Variants in ASTN2 observed in about 807,000 individuals in gnomAD.
The protein encoded by ASTN2 is astrotactin 2.
In ASTN2, 54 loss-of-function variants were observed where a neutral mutation model predicts 139.8. The ratio of observed to expected loss-of-function variants is 0.39; its 90% confidence interval spans 0.31 to 0.48. The LOEUF is 0.48. ASTN2 is among the 20% of genes least tolerant of loss of function. ASTN2 has a pLI of 0.95. For missense variants in ASTN2, 1,565 were observed against 1,725.1 expected, an observed-to-expected ratio of 0.91 and a Z score of 1.64; for synonymous variants, 756 against 719.5, an observed-to-expected ratio of 1.05 and a Z score of -0.81.
intron 2 of ASTN2, among the ~76,000 whole-genome samples, chr9:117,276,667 A>C (rs1017892306): frequency 6.6e-6 from 1 of 152,126 alleles, no homozygotes; most frequent in African/African-American, 2.4e-5. Flanking sequence ...CCCCTGCAGA[A>C]TTTTAGAGGA....
At chr9:116,577,397 T>C (rs1403309800) in intron 19 of ASTN2, among the ~76,000 whole-genome samples, 1 of 151,832 alleles carries the variant, frequency 6.6e-6, no homozygotes, top group African/African-American at 2.4e-5. Flanking sequence ...CTGGGTGTGG[T>C]GGCTTGTGCC....
At chr9:117,137,172 C>T (rs1003017454) in intron 4 of ASTN2, among the ~76,000 whole-genome samples, 2 of 152,160 alleles carry the variant, frequency 1.3e-5, no homozygotes, top group Non-Finnish European at 2.9e-5. Flanking sequence ...CTCCACTATC[C>T]TTCCTCTGTC....
chr9:116,772,402 C>T (rs1054514545), intron 13 of ASTN2, among the ~76,000 whole-genome samples: 2 of 152,168 alleles, frequency 1.3e-5, no homozygotes, highest in Non-Finnish European at 2.9e-5. Flanking sequence ...TCTCCTTTGC[C>T]TTCCACCATG....
intron 11 of ASTN2, among the ~76,000 whole-genome samples, chr9:116,861,228 CA>C (rs1832873332): frequency 6.8e-6 from 1 of 147,106 alleles, no homozygotes; most frequent in African/African-American, 2.5e-5. Context: ...CACACACACA[CA>C]CACACACACA....
chr9:116,702,890 A>G (rs557366070), intron 16 of ASTN2, among the ~76,000 whole-genome samples: 20 of 152,308 alleles, frequency 1.3e-4, no homozygotes, highest in African/African-American at 4.6e-4. Flanking sequence ...CTCTTATTCC[A>G]ATCAGTAGAA....
At chr9:117,317,573 T>G (rs1365045936) in intron 1 of ASTN2, among the ~76,000 whole-genome samples, 2 of 151,860 alleles carry the variant, frequency 1.3e-5, no homozygotes. Context: ...AGAACTAGGG[T>G]TTTAACTCAC....
chr9:117,221,391 G>A (rs1452970764), intron 2 of ASTN2, among the ~76,000 whole-genome samples: 1 of 152,066 alleles, frequency 6.6e-6, no homozygotes, highest in Non-Finnish European at 1.5e-5. Flanking sequence ...CATGAAAGAA[G>A]GAAGCAGAGA....
Position 116,660,201 on chromosome 9 carries a change from C to CACAT in ASTN2, c.2807-8412_2807-8409dup, listed in dbSNP as rs386416028. ...ACACACACACACACACACACACACACACATTTGGGGAATGGAAAGAAAAGC... is the reference window on the plus strand; with the variant it reads ...ACACACACACACACACACACACACACACATACATTTGGGGAATGGAAAGAAAAGC... On this transcript the variant is annotated intron_variant, in intron 16 of 22. Transcript: ENST00000313400. Among the ~76,000 whole-genome samples the CACAT allele has an allele frequency of 5.4e-5, 8 of 149,374 alleles. No individual in the cohort carries two copies. The East Asian group carries it at 1.5e-3, about 29-fold the overall frequency.
At chr9:117,137,327 T>C (rs1220072041) in intron 4 of ASTN2, among the ~76,000 whole-genome samples, 2 of 152,152 alleles carry the variant, frequency 1.3e-5, no homozygotes, top group Non-Finnish European at 2.9e-5. Flanking sequence ...TGGAAACTAG[T>C]GGGCACCGTG....
At chr9:116,742,013 T>C (rs1467093838) in intron 13 of ASTN2, among the ~76,000 whole-genome samples, 1 of 152,200 alleles carries the variant, frequency 6.6e-6, no homozygotes, top group Non-Finnish European at 1.5e-5. Context: ...ACAATAAAAA[T>C]GACAATCTCT....
rs150001501 is a variant in ASTN2 at position 116,437,486 on chromosome 9, G to A, written c.3782+3123C>T. 649 of 471,312 alleles carry A rather than the reference G, an allele frequency of 1.4e-3. 1 individual carries two copies. Among genetic ancestry groups the A allele is most frequent in the Non-Finnish European group, 2.0e-3 (447 of 227,042 alleles). 29.2% of individuals were successfully genotyped at this position (471,312 alleles called of 1,614,324 possible). Reference sequence around the variant, plus strand: ...GGTGACTGCCTGACTAGGGGTTAGCGGGTTATCACAAACCATTACTGAGTG... The same window carrying A: ...GGTGACTGCCTGACTAGGGGTTAGCAGGTTATCACAAACCATTACTGAGTG... On this transcript the variant is annotated intron_variant, in intron 22 of 22. Transcript: ENST00000313400.
chr9:117,287,955 T>C (rs968219575), intron 2 of ASTN2, among the ~76,000 whole-genome samples: 18 of 152,192 alleles, frequency 1.2e-4, no homozygotes, highest in Admixed American at 5.9e-4. Flanking sequence ...GTTTCATACA[T>C]AAGGAAACTG....
chr9:116,976,594 A>C, intron 8 of ASTN2, 107 bp downstream of exon 8: 3 of 921,082 alleles, frequency 3.3e-6, no homozygotes, highest in Non-Finnish European at 3.4e-6. Context: ...CTACTGTTGC[A>C]GAGAAAGAGT....
intron 6 of ASTN2, among the ~76,000 whole-genome samples, chr9:117,021,394 T>C (rs899321572): frequency 3.3e-5 from 5 of 152,112 alleles, no homozygotes; most frequent in African/African-American, 4.8e-5. Context: ...CACAGCTAAA[T>C]AGCCAAACCA....
chr9:116,977,391 C>T (rs1380698705), intron 7 of ASTN2, among the ~76,000 whole-genome samples: 2 of 152,008 alleles, frequency 1.3e-5, no homozygotes, highest in South Asian at 4.2e-4. Flanking sequence ...CCTCTTTTCT[C>T]CTCTCCCTCT....
chr9:117,179,693 A>G (rs1831008354), intron 3 of ASTN2, among the ~76,000 whole-genome samples: 1 of 152,056 alleles, frequency 6.6e-6, no homozygotes, highest in South Asian at 2.1e-4. Context: ...TTTCTCTCCT[A>G]TGCTTGCTGT....
At chr9:117,016,362 T>C (rs1286052295) in intron 6 of ASTN2, among the ~76,000 whole-genome samples, 2 of 151,698 alleles carry the variant, frequency 1.3e-5, no homozygotes, top group African/African-American at 4.8e-5. Context: ...AGAATCTAAG[T>C]GCCATAACTT....
chr9:117,098,946 A>G (rs1463771364), intron 4 of ASTN2, among the ~76,000 whole-genome samples: 3 of 151,842 alleles, frequency 2.0e-5, no homozygotes, highest in Admixed American at 1.3e-4. Flanking sequence ...CGTCTCTACT[A>G]AAATACAAAA....
At chr9:117,076,860 T>C (rs1053919745) in intron 5 of ASTN2, among the ~76,000 whole-genome samples, 1 of 152,192 alleles carries the variant, frequency 6.6e-6, no homozygotes, top group South Asian at 2.1e-4. Context: ...GCCTCTATAT[T>C]TTTTTCCTTT....
Sources: gnomAD v4.1 joint callset for allele counts (sites outside exome capture counted in the v4.1 genomes callset) on GRCh38, gnomAD v4.1.1 for gene constraint, MANE v1.5 for transcripts, NCBI Gene and HGNC (gene_info 2026-07-23, HGNC 2026-07-21) for gene names.